MYLK4: variants seen among roughly 807,000 people sequenced by gnomAD.
MYLK4 encodes the protein myosin light chain kinase family member 4, also known as caMLCK like.
In MYLK4, 46 loss-of-function variants were observed where a neutral mutation model predicts 48.1. The observed-to-expected ratio is 0.96, with a 90% CI of 0.75 to 1.22. The LOEUF (loss-of-function observed/expected upper bound fraction) is 1.22. Ranked by LOEUF, MYLK4 falls within the 50% of genes most tolerant of loss-of-function variation. MYLK4 has a pLI of 0.00. For synonymous variants in MYLK4, 170 were observed against 180.8 expected, an observed-to-expected ratio of 0.94 and a Z score of 0.48; for missense variants, 451 against 486.1, an observed-to-expected ratio of 0.93 and a Z score of 0.68.
chr6:2,757,195 A>T, the MYLK4 span, among the ~76,000 whole-genome samples: 1 of 151,464 alleles, frequency 6.6e-6, no homozygotes, highest in Non-Finnish European at 1.5e-5. Flanking sequence ...AAATAAGTTG[A>T]GCTATTATGT....
At chr6:2,764,904 G>C in the MYLK4 span, among the ~76,000 whole-genome samples, 1 of 152,156 alleles carries the variant, frequency 6.6e-6, no homozygotes, top group Non-Finnish European at 1.5e-5. Context: ...TTTTTCTGCT[G>C]TTCACGTCCA....
the MYLK4 span, chr6:2,770,114 G>C: frequency 1.2e-6 from 2 of 1,614,054 alleles, no homozygotes; most frequent in African/African-American, 2.7e-5. Flanking sequence ...TTCCTCCCAT[G>C]ATTAGGACAC....
intron 2 of MYLK4, among the ~76,000 whole-genome samples, chr6:2,701,248 G>A (rs1762269605): frequency 6.6e-6 from 1 of 151,948 alleles, no homozygotes; most frequent in African/African-American, 2.4e-5. Flanking sequence ...TGGGGTTCTC[G>A]GTATGCTTTT....
chr6:2,725,285 C>T (rs913154877), intron 2 of MYLK4, among the ~76,000 whole-genome samples: 4 of 152,042 alleles, frequency 2.6e-5, no homozygotes, highest in Non-Finnish European at 5.9e-5. Context: ...TAGGGAGACT[C>T]CATCTCCACA....
intron 2 of MYLK4, among the ~76,000 whole-genome samples, chr6:2,731,181 G>T (rs1763466074): frequency 6.6e-6 from 1 of 152,126 alleles, no homozygotes; most frequent in Admixed American, 6.5e-5. Flanking sequence ...AAGGGAAATG[G>T]TACCAAGCAT....
At chr6:2,671,488 G>A (rs1465136447) in intron 11 of MYLK4, 140 bp from the exon 12 acceptor site, 7 of 741,666 alleles carry the variant, frequency 9.4e-6, no homozygotes, top group East Asian at 5.4e-5. Context: ...CTACATTCCC[G>A]ACAACCCCCT....
chr6:2,692,682 T>A, intron 3 of MYLK4, 102 bp downstream of exon 3: 2 of 762,210 alleles, frequency 2.6e-6, no homozygotes, highest in Non-Finnish European at 3.9e-6. Flanking sequence ...CACTTCTTCC[T>A]GCACAGGGCT....
chr6:2,762,607 AG>A, the MYLK4 span, among the ~76,000 whole-genome samples: 17 of 152,230 alleles, frequency 1.1e-4, no homozygotes, highest in Non-Finnish European at 4.4e-5. Flanking sequence ...TTGTTTTGCA[AG>A]TATTCACTTC....
chr6:2,738,939 T>C (rs1763794712), intron 2 of MYLK4, among the ~76,000 whole-genome samples: 1 of 152,218 alleles, frequency 6.6e-6, no homozygotes, highest in African/African-American at 2.4e-5. Flanking sequence ...TTAATGTAAG[T>C]TTATCCATTG....
chr6:2,769,115 C>T, the MYLK4 span, among the ~76,000 whole-genome samples: 3 of 152,110 alleles, frequency 2.0e-5, no homozygotes, highest in Non-Finnish European at 2.9e-5. Context: ...CTGAGCTATA[C>T]GTATCAGAAA....
chr6:2,753,745 T>C (rs1430008993), upstream of MYLK4, among the ~76,000 whole-genome samples: 2 of 151,712 alleles, frequency 1.3e-5, no homozygotes, highest in African/African-American at 4.8e-5. Flanking sequence ...AAAGAAGATA[T>C]AAAAATGGTT....
rs544723495 is a variant in MYLK4 at position 2,713,365 on chromosome 6, A to ACTCCGT, written c.160-20512_160-20507dup. 4.5e-5 allele frequency among the ~76,000 whole-genome samples: 6 copies of ACTCCGT among 132,678 alleles called. No individual in the cohort carries two copies. The East Asian group carries it at 1.3e-3, about 28-fold the overall frequency. 87.0% of individuals were successfully genotyped at this position (132,678 alleles called of 152,430 possible). A position where few individuals can be genotyped will look rare whatever the true frequency, so the allele number is the denominator to read the frequency against. On this transcript the variant is annotated intron_variant, in intron 2 of 12. Transcript: ENST00000274643. The stretch of plus-strand genomic sequence containing the variant: ...CTCCAGCCTGGGCAACAAGAGTGAA[A>ACTCCGT]CTCCGTCTCAAAAAAAAAAAAAGAA...
chr6:2,767,649 A>T, the MYLK4 span, among the ~76,000 whole-genome samples: 1 of 152,238 alleles, frequency 6.6e-6, no homozygotes, highest in East Asian at 1.9e-4. Context: ...ATTGAGCAGT[A>T]TCATTCTTAG....
At chr6:2,705,274 T>C (rs1762443057) in intron 2 of MYLK4, among the ~76,000 whole-genome samples, 1 of 152,232 alleles carries the variant, frequency 6.6e-6, no homozygotes, top group South Asian at 2.1e-4. Context: ...ACTGTCAACA[T>C]GGAAATCGTT....
chr6:2,766,429 G>C, the MYLK4 span: 7 of 1,574,224 alleles, frequency 4.4e-6, no homozygotes, highest in East Asian at 1.6e-4. Context: ...TGTGGGGGCC[G>C]CCGGGCTGCG....
At chr6:2,701,450 C>T (rs1390015672) in intron 2 of MYLK4, among the ~76,000 whole-genome samples, 5 of 152,120 alleles carry the variant, frequency 3.3e-5, no homozygotes, top group Non-Finnish European at 7.4e-5. Context: ...ATTTAGAGAT[C>T]TGCGCTTAGA....
In MYLK4 at chr6:2,689,754, T is replaced by A. The variant is rs952161040; in HGVS notation, c.236-798A>T. Among the ~76,000 whole-genome samples the A allele has an allele frequency of 5.3e-5, 8 of 152,360 alleles. 1 individual carries two copies. The South Asian group carries it at 1.7e-3, about 32-fold the overall frequency. ...CTAAGCAGCGACTGCATGCATACAA[T>A]AAGAATACAAAGGGAGGTAAGTAAA... On this transcript the variant is annotated intron_variant, in intron 3 of 12. Transcript: ENST00000274643.
Position 2,685,309 on chromosome 6 carries a change from GGACAAT to G in MYLK4, c.526_531del (p.Ile176_Val177del). On this transcript the variant is annotated inframe_deletion, in exon 6 of 13. Coordinates refer to ENST00000274643, the MANE Select transcript of MYLK4 (RefSeq NM_001012418.5). The surrounding 1 kb of genome is among the most constrained non-coding windows in gnomAD (Gnocchi z 4.5). The stretch of plus-strand genomic sequence containing the variant: ...GGGGATACGTACTACTCCATGACCA[GGACAAT>G]GTCGTTCTTAGACTCGAAGGCATCG... 5 of 1,612,854 alleles carry G rather than the reference GGACAAT, an allele frequency of 3.1e-6. No homozygotes were observed. Among genetic ancestry groups the G allele is most frequent in the Non-Finnish European group, 4.2e-6 (5 of 1,179,374 alleles).
At position 2,685,961 on chromosome 6, in the gene MYLK4, G is replaced by A. The variant is rs528494606; in HGVS notation, c.342-385C>T. On this transcript the variant is annotated intron_variant, in intron 4 of 12. Coordinates refer to ENST00000274643, the MANE Select transcript of MYLK4 (RefSeq NM_001012418.5). This position sits in a 1 kb window ranked among gnomAD's most constrained non-coding sequence, Gnocchi z 4.5. ...CATGTGTCTGTAGTCCCAGCTACTC[G>A]GGAGGCTGAGGCAGGAGAACGGCGT... Among the ~76,000 whole-genome samples the A allele has an allele frequency of 3.9e-5, 6 of 152,048 alleles. No homozygotes were observed. The highest frequency in any genetic ancestry group is 1.9e-4 in the East Asian group (1 of 5,178).
Sources: gnomAD v4.1 joint callset for allele counts (sites outside exome capture counted in the v4.1 genomes callset) on GRCh38, gnomAD v4.1.1 for gene constraint, Gnocchi (gnomAD v3.1) non-coding constraint, MANE v1.5 for transcripts, NCBI Gene and HGNC (gene_info 2026-07-23, HGNC 2026-07-21) for gene names.